Variants in GDAP1 observed in about 807,000 individuals in gnomAD.
The protein encoded by GDAP1 is ganglioside induced differentiation associated protein 1.
GDAP1 carries 34 observed loss-of-function variants against 40.1 expected under a neutral mutation model. That is an observed-to-expected ratio of 0.85 (90% CI 0.64 to 1.13). The LOEUF (loss-of-function observed/expected upper bound fraction) is 1.13, where lower values mean the gene tolerates loss of function less well. GDAP1 is among the 50% of genes most tolerant of loss of function. GDAP1 has a pLI of 0.00. For missense variants in GDAP1, 374 were observed against 433.7 expected (o/e 0.86, Z 1.22); for synonymous variants, 170 against 157.4 (o/e 1.08, Z -0.60).
At chr8:74,363,086 C>T in intron 5 of GDAP1, 33 bp downstream of exon 5, 3 of 940,538 alleles carry the variant, frequency 3.2e-6, no homozygotes, top group Non-Finnish European at 5.3e-6. Flanking sequence ...TCTCTCTTTT[C>T]AACATCAGTA....
intron 2 of GDAP1, among the ~76,000 whole-genome samples, chr8:74,472,341 T>C (rs1304458506): frequency 1.3e-5 from 2 of 152,268 alleles, no homozygotes; most frequent in Non-Finnish European, 2.9e-5. Context: ...CTACCTTTGA[T>C]GGACATTTAG....
intron 2 of GDAP1, among the ~76,000 whole-genome samples, chr8:74,429,332 A>G: frequency 6.6e-6 from 1 of 152,076 alleles, no homozygotes; most frequent in African/African-American, 2.4e-5. Context: ...AAAGTCTAAG[A>G]GACAAATGGC....
intron 2 of GDAP1, among the ~76,000 whole-genome samples, chr8:74,359,149 A>G (rs1437312505): frequency 6.6e-6 from 1 of 152,234 alleles, no homozygotes; most frequent in Non-Finnish European, 1.5e-5. Flanking sequence ...AGAACATTAC[A>G]TTAGGAATCA....
chr8:74,394,560 A>G (rs1425324818), intron 2 of GDAP1, among the ~76,000 whole-genome samples: 1 of 152,066 alleles, frequency 6.6e-6, no homozygotes, highest in African/African-American at 2.4e-5. Context: ...TCTTCTTCCT[A>G]GCTTTAATGG....
chr8:74,445,021 T>G (rs1806210321), intron 2 of GDAP1, among the ~76,000 whole-genome samples: 1 of 152,200 alleles, frequency 6.6e-6, no homozygotes, highest in Non-Finnish European at 1.5e-5. Context: ...GTCTTTGGTG[T>G]CATAACAAAT....
intron 2 of GDAP1, among the ~76,000 whole-genome samples, chr8:74,411,009 C>G (rs1017891579): frequency 6.7e-6 from 1 of 149,816 alleles, no homozygotes. Context: ...GGAGGTTTCC[C>G]TCTTGCTGTT....
At chr8:74,423,033 A>C (rs1371539538) in intron 2 of GDAP1, among the ~76,000 whole-genome samples, 1 of 147,808 alleles carries the variant, frequency 6.8e-6, no homozygotes, top group African/African-American at 2.5e-5. Flanking sequence ...ATATACTATA[A>C]TATATATGCT....
At chr8:74,411,734 T>C (rs966970187) in intron 2 of GDAP1, among the ~76,000 whole-genome samples, 1 of 129,660 alleles carries the variant, frequency 7.7e-6, no homozygotes, top group South Asian at 2.4e-4. Context: ...AAAAAAAAAA[T>C]TGCTAAGCAT....
intron 2 of GDAP1, among the ~76,000 whole-genome samples, chr8:74,384,929 A>G (rs1586817158): frequency 6.6e-6 from 1 of 152,336 alleles, no homozygotes; most frequent in Non-Finnish European, 1.5e-5. Context: ...ACTAAGGAAC[A>G]ATATCCATAT....
downstream of GDAP1, among the ~76,000 whole-genome samples, chr8:74,371,084 C>CTG (rs1399220517): frequency 6.6e-6 from 1 of 152,188 alleles, no homozygotes; most frequent in Non-Finnish European, 1.5e-5. Context: ...TCTGAGCACA[C>CTG]TGTCAGCCAA....
At chr8:74,372,707 T>C (rs1479396734) in intron 2 of GDAP1, among the ~76,000 whole-genome samples, 1 of 152,194 alleles carries the variant, frequency 6.6e-6, no homozygotes, top group Admixed American at 6.5e-5. Context: ...TTTCTCCCTT[T>C]CTATAGGTTG....
chr8:74,369,848 A>G (rs1361607989), downstream of GDAP1, among the ~76,000 whole-genome samples: 2 of 152,240 alleles, frequency 1.3e-5, no homozygotes, highest in Non-Finnish European at 2.9e-5. Flanking sequence ...AATGATGATA[A>G]GAATGTGTGC....
chr8:74,429,340 G>C (rs757334151), intron 2 of GDAP1, among the ~76,000 whole-genome samples: 24 of 151,938 alleles, frequency 1.6e-4, no homozygotes, highest in Non-Finnish European at 2.9e-4. Flanking sequence ...AGAGACAAAT[G>C]GCTAATTATA....
rs1030735162 is a variant in GDAP1 at position 74,397,568 on chromosome 8, A to G, written c.165+46247A>G. On this transcript the variant is annotated intron_variant, in intron 2 of 2. Transcript: ENST00000523640. ...GGAAGGGATCCAGTTTCAGCTTTCTACATATGGCTAGCCAGTTTTCCCAGC... is the reference window on the plus strand; with the variant it reads ...GGAAGGGATCCAGTTTCAGCTTTCTGCATATGGCTAGCCAGTTTTCCCAGC... Among the ~76,000 whole-genome samples, 6 of 152,138 alleles carry G rather than the reference A, an allele frequency of 3.9e-5. No homozygotes were observed. The South Asian group carries it at 1.0e-3, about 26-fold the overall frequency.
chr8:74,402,317 TA>T lies in GDAP1; in HGVS notation c.165+50997del, dbSNP rs1218949423. ...GCAGTTTGATCTCAGACAGCAGTGCTAGCAATCAGCGAGACTCCGTGGGCGT... is the reference window on the plus strand; with the variant it reads ...GCAGTTTGATCTCAGACAGCAGTGCTGCAATCAGCGAGACTCCGTGGGCGT... On this transcript the variant is annotated intron_variant, in intron 2 of 2. Transcript: ENST00000523640. Among the ~76,000 whole-genome samples, 59 of 150,418 alleles carry T rather than the reference TA, an allele frequency of 3.9e-4. 6 individuals carry two copies. The highest frequency in any genetic ancestry group is 1.4e-3 in the African/African-American group (54 of 39,718).
At chr8:74,413,214 A>G (rs982180716) in intron 2 of GDAP1, among the ~76,000 whole-genome samples, 2 of 149,788 alleles carry the variant, frequency 1.3e-5, no homozygotes, top group Admixed American at 1.3e-4. Flanking sequence ...TGTTTCTTCT[A>G]CTTAATGCAG....
At chr8:74,479,838 A>C (rs1806686018) in intron 2 of GDAP1, among the ~76,000 whole-genome samples, 1 of 152,162 alleles carries the variant, frequency 6.6e-6, no homozygotes. Flanking sequence ...AGGTTCTAAG[A>C]ACAGCAAGAG....
At position 74,350,595 on chromosome 8, in the gene GDAP1, C is replaced by A. The variant is rs779119367; in HGVS notation, c.117+17C>A. ...TCTCAAAAGGTACAACAGGCCTTGG[C>A]GGCGGAGGGTGGCGCGGATCGGGCT... On this transcript the variant is annotated intron_variant, in intron 1 of 5. Transcript: ENST00000220822. 2.1e-6 allele frequency: 3 copies of A among 1,459,480 alleles called. No homozygotes were observed. The highest frequency in any genetic ancestry group is 2.3e-5 in the South Asian group (2 of 88,104). 90.4% of individuals were successfully genotyped at this position (1,459,480 alleles called of 1,614,324 possible). A position where few individuals can be genotyped will look rare whatever the true frequency, so the allele number is the denominator to read the frequency against.
chr8:74,427,047 G>C (rs913889535), intron 2 of GDAP1, among the ~76,000 whole-genome samples: 2 of 152,180 alleles, frequency 1.3e-5, no homozygotes, highest in African/African-American at 4.8e-5. Flanking sequence ...TTGGTCATGT[G>C]ATGTGGTTTG....
Sources: gnomAD v4.1 joint callset for allele counts (sites outside exome capture counted in the v4.1 genomes callset) on GRCh38, gnomAD v4.1.1 for gene constraint, MANE v1.5 for transcripts, NCBI Gene and HGNC (gene_info 2026-07-23, HGNC 2026-07-21) for gene names.